Variants in SH3YL1 observed in about 807,000 individuals in gnomAD.
The protein encoded by SH3YL1 is SH3 and SYLF domain containing 1.
In SH3YL1, 41 loss-of-function variants were observed where a neutral mutation model predicts 45.8. That is an observed-to-expected ratio of 0.89 (90% CI 0.70 to 1.16). The LOEUF (loss-of-function observed/expected upper bound fraction) is 1.16, where lower values mean the gene tolerates loss of function less well. Among genes scored for constraint, SH3YL1 ranks in the 50% most tolerant of loss-of-function variants. The pLI is 0.00. For synonymous variants in SH3YL1, 152 were observed against 151.4 expected, an observed-to-expected ratio of 1.00 and a Z score of -0.03; for missense variants, 389 against 409.6, an observed-to-expected ratio of 0.95 and a Z score of 0.43.
intron 3 of SH3YL1, 143 bp downstream of exon 3, chr2:249,588 A>G: frequency 1.7e-6 from 1 of 596,664 alleles, no homozygotes. Context: ...ACCAAACTGC[A>G]CGTTCAGTCG....
chr2:259,450 G>GT (rs1407849767), intron 1 of SH3YL1: 1 of 151,278 alleles, frequency 6.6e-6, no homozygotes, highest in Non-Finnish European at 1.5e-5. Context: ...TTTTTTTTCT[G>GT]TTTTTTCTTA....
chr2:264,800 G>A (rs1356120133), upstream of SH3YL1: 6 of 742,694 alleles, frequency 8.1e-6, no homozygotes, highest in Middle Eastern at 3.9e-4. Context: ...GACCGCCTCC[G>A]CAGGCGCACT....
chr2:242,451 A>G (rs1668584470), intron 4 of SH3YL1, among the ~76,000 whole-genome samples: 1 of 152,072 alleles, frequency 6.6e-6, no homozygotes, highest in East Asian at 1.9e-4. Context: ...GTTCCCATAA[A>G]TTAGAAATAG....
intron 4 of SH3YL1, 113 bp downstream of exon 4, chr2:247,425 T>C: frequency 1.4e-6 from 1 of 706,746 alleles, no homozygotes; most frequent in Non-Finnish European, 2.3e-6. Flanking sequence ...CAATTTTTCC[T>C]AAGTGCCAAT....
In SH3YL1 at chr2:231,212, A is replaced by G. The variant is rs1186952691; in HGVS notation, c.534-21T>C. ...AAAATCTAATGGGAAATATAAAATT[A>G]AAAACATTTTAATATACACAAATCT... On this transcript the variant is annotated intron_variant, in intron 6 of 9. Coordinates refer to ENST00000356150, the MANE Select transcript of SH3YL1 (RefSeq NM_015677.4). 1.9e-6 allele frequency: 3 copies of G among 1,549,262 alleles called. No homozygotes were observed. In the Admixed American group the frequency reaches 5.5e-5, roughly 29 times the overall value.
At position 247,608 on chromosome 2, in the gene SH3YL1, A is replaced by G; in HGVS notation, c.227-6T>C. 2 of 1,548,068 alleles carry G rather than the reference A, an allele frequency of 1.3e-6. No individual in the cohort carries two copies. Among genetic ancestry groups the G allele is most frequent in the Non-Finnish European group, 1.7e-6 (2 of 1,145,576 alleles). On this transcript the variant is annotated splice_polypyrimidine_tract_variant and splice_region_variant and intron_variant, in intron 3 of 9. Transcript: ENST00000356150. ...GGCTGAGGGTGCAGACCATTCTAAT[A>G]AAAAAACAAACGAACGTTATCCTAA... is the stretch of plus-strand genomic sequence containing the variant.
chr2:260,087 A>G (rs1391978522), intron 1 of SH3YL1: 1 of 152,226 alleles, frequency 6.6e-6, no homozygotes, highest in Non-Finnish European at 1.5e-5. Flanking sequence ...ATACTCACCA[A>G]TACTACTGTC....
At chr2:254,888 A>G (rs1369017046) in intron 1 of SH3YL1, among the ~76,000 whole-genome samples, 1 of 152,232 alleles carries the variant, frequency 6.6e-6, no homozygotes, top group Non-Finnish European at 1.5e-5. Flanking sequence ...TGTAAATCAC[A>G]AAGGCTAATC....
intron 4 of SH3YL1, chr2:242,735 C>CAAA (rs2103038724): frequency 6.9e-7 from 1 of 1,454,540 alleles, no homozygotes; most frequent in Non-Finnish European, 9.1e-7. Context: ...ACAACAATAA[C>CAAA]AACAACAACA....
chr2:257,896 T>C (rs1238582650), intron 1 of SH3YL1, among the ~76,000 whole-genome samples: 1 of 152,220 alleles, frequency 6.6e-6, no homozygotes, highest in Non-Finnish European at 1.5e-5. Context: ...TCCAGCACCA[T>C]TTATTGAATA....
At chr2:226,767 G>A (rs1157262758) in intron 8 of SH3YL1, among the ~76,000 whole-genome samples, 1 of 149,018 alleles carries the variant, frequency 6.7e-6, no homozygotes, top group African/African-American at 2.6e-5. Flanking sequence ...TGTATATATG[G>A]TGGGGAGTGT....
At chr2:257,206 C>G (rs577533298) in intron 1 of SH3YL1, among the ~76,000 whole-genome samples, 38 of 152,204 alleles carry the variant, frequency 2.5e-4, no homozygotes, top group Admixed American at 1.1e-3. Flanking sequence ...TTGATAGTTT[C>G]TTTTGCTGTT....
At chr2:228,221 A>T (rs1667868638) in intron 8 of SH3YL1, among the ~76,000 whole-genome samples, 1 of 152,194 alleles carries the variant, frequency 6.6e-6, no homozygotes, top group South Asian at 2.1e-4. Flanking sequence ...GCAGGGACAC[A>T]GCTGTGGCTG....
rs574025584 is a variant in SH3YL1, at chr2:258,024, G to C, written c.2-4909C>G. Among the ~76,000 whole-genome samples the C allele has an allele frequency of 5.9e-5, 9 of 152,202 alleles. No individual in the cohort carries two copies. The South Asian group carries it at 1.9e-3, about 32-fold the overall frequency. On this transcript the variant is annotated intron_variant, in intron 1 of 9. Coordinates refer to ENST00000356150, the MANE Select transcript of SH3YL1 (RefSeq NM_015677.4). Reference sequence around the variant, plus strand: ...TTCATTGTTCTATGAGTCTGTTTTTGTACCATTACCATGCTGTTTTCATTA... The same window carrying C: ...TTCATTGTTCTATGAGTCTGTTTTTCTACCATTACCATGCTGTTTTCATTA...
chr2:235,255 G>A (rs975875538), intron 4 of SH3YL1, among the ~76,000 whole-genome samples: 1 of 152,262 alleles, frequency 6.6e-6, no homozygotes, highest in Non-Finnish European at 1.5e-5. Flanking sequence ...CACAGTGAAA[G>A]CATTTGTTAC....
intron 9 of SH3YL1, 132 bp from the exon 10 acceptor site, chr2:219,133 G>C (rs983730438): frequency 3.4e-6 from 2 of 588,748 alleles, no homozygotes; most frequent in Admixed American, 3.4e-5. Flanking sequence ...AACCACAACA[G>C]TCTGTGTAAT....
intron 1 of SH3YL1, chr2:256,365 G>C (rs576114220): frequency 4.6e-5 from 7 of 152,232 alleles, no homozygotes; most frequent in African/African-American, 1.7e-4. Flanking sequence ...AAATAAAACT[G>C]CTATAAATAT....
intron 2 of SH3YL1, among the ~76,000 whole-genome samples, chr2:250,567 CA>C (rs1422016093): frequency 1.3e-5 from 2 of 152,180 alleles, no homozygotes; most frequent in African/African-American, 2.4e-5. Context: ...ATTTACGACA[CA>C]ATAACACCTC....
chr2:258,870 G>T (rs1240499356), intron 1 of SH3YL1, among the ~76,000 whole-genome samples: 3 of 152,208 alleles, frequency 2.0e-5, no homozygotes, highest in Non-Finnish European at 4.4e-5. Flanking sequence ...TACACAGCTA[G>T]CACTTAATAT....
Sources: gnomAD v4.1 joint callset for allele counts (sites outside exome capture counted in the v4.1 genomes callset) on GRCh38, gnomAD v4.1.1 for gene constraint, MANE v1.5 for transcripts, NCBI Gene and HGNC (gene_info 2026-07-23, HGNC 2026-07-21) for gene names.